The following KHDRBS2 variants were observed in gnomAD, a reference collection of about 807,000 sequenced individuals.
KHDRBS2 encodes KH RNA binding domain containing, signal transduction associated 2, also known as KH domain-containing, RNA-binding, signal transduction-associated protein 2.
KHDRBS2 carries 26 observed loss-of-function variants against 44.3 expected under a neutral mutation model. The ratio of observed to expected loss-of-function variants is 0.59; its 90% confidence interval spans 0.43 to 0.81. KHDRBS2 has a LOEUF of 0.81. Ranked by LOEUF, KHDRBS2 falls within the 40% of genes least tolerant of loss-of-function variation. The pLI, the probability that KHDRBS2 is intolerant of heterozygous loss-of-function variation, is 0.00. For synonymous variants in KHDRBS2, 194 were observed against 151.1 expected, an observed-to-expected ratio of 1.28 and a Z score of -2.08; for missense variants, 476 against 433.1, an observed-to-expected ratio of 1.10 and a Z score of -0.88.
At chr6:61,612,922 G>A in the KHDRBS2 span, among the ~76,000 whole-genome samples, 2 of 132,634 alleles carry the variant, frequency 1.5e-5, no homozygotes, top group Non-Finnish European at 3.1e-5. Flanking sequence ...GCGCGATCTC[G>A]GCTGACGGCA....
intron 4 of KHDRBS2, among the ~76,000 whole-genome samples, chr6:61,951,011 C>A (rs894085853): frequency 6.6e-6 from 1 of 151,894 alleles, no homozygotes; most frequent in Non-Finnish European, 1.5e-5. Context: ...TCCAGGGAAG[C>A]ATGAGGCATG....
intron 2 of KHDRBS2, among the ~76,000 whole-genome samples, chr6:62,085,746 G>A (rs903773614): frequency 5.3e-5 from 8 of 152,060 alleles, no homozygotes; most frequent in African/African-American, 1.2e-4. Flanking sequence ...AAGCATTAAG[G>A]TTAGAGTTAG....
chr6:61,549,618 T>C, the KHDRBS2 span, among the ~76,000 whole-genome samples: 3 of 152,114 alleles, frequency 2.0e-5, no homozygotes, highest in African/African-American at 7.2e-5. Context: ...TGGAAGTATA[T>C]GAAGAAAATC....
At chr6:61,876,734 T>C (rs1799461107) in intron 6 of KHDRBS2, among the ~76,000 whole-genome samples, 1 of 152,086 alleles carries the variant, frequency 6.6e-6, no homozygotes, top group Admixed American at 6.6e-5. Flanking sequence ...CAAACTGCCA[T>C]CTCTGGGAAT....
At chr6:61,551,700 C>G in the KHDRBS2 span, among the ~76,000 whole-genome samples, 8 of 152,062 alleles carry the variant, frequency 5.3e-5, no homozygotes, top group Admixed American at 4.6e-4. Flanking sequence ...TCTGGACTCT[C>G]TATTCTGTCC....
At chr6:61,864,093 A>G (rs1263462697) in intron 6 of KHDRBS2, among the ~76,000 whole-genome samples, 1 of 152,088 alleles carries the variant, frequency 6.6e-6, no homozygotes, top group African/African-American at 2.4e-5. Flanking sequence ...GTTTTATCAG[A>G]AACTGGGATT....
intron 3 of KHDRBS2, among the ~76,000 whole-genome samples, chr6:62,003,713 AT>A (rs1778694617): frequency 6.6e-6 from 1 of 152,186 alleles, no homozygotes; most frequent in Non-Finnish European, 1.5e-5. Context: ...CAGAATATAC[AT>A]TCTTCTCAGC....
rs1158383068 is a variant in KHDRBS2, at chr6:62,214,245, T to C, written c.92-36933A>G. Among the ~76,000 whole-genome samples, 5 of 152,146 alleles carry C rather than the reference T, an allele frequency of 3.3e-5. No individual in the cohort carries two copies. In the East Asian group the frequency reaches 5.8e-4, roughly 18 times the overall value. On this transcript the variant is annotated intron_variant, in intron 1 of 8. Transcript: ENST00000281156. Reference sequence around the variant, plus strand: ...ACCCTTTACTTTTTCAACCACAGTATAGACATTTTATATCATTCTTCCATA... The same window carrying C: ...ACCCTTTACTTTTTCAACCACAGTACAGACATTTTATATCATTCTTCCATA...
At chr6:61,863,113 A>G (rs1451176295) in intron 6 of KHDRBS2, among the ~76,000 whole-genome samples, 21 of 151,876 alleles carry the variant, frequency 1.4e-4, no homozygotes, top group African/African-American at 4.3e-4. Flanking sequence ...TTGCATTCCT[A>G]TGGGGTCAGT....
chr6:62,118,528 T>C (rs1584808028), intron 2 of KHDRBS2, among the ~76,000 whole-genome samples: 1 of 152,282 alleles, frequency 6.6e-6, no homozygotes, highest in Middle Eastern at 3.4e-3. Context: ...TTTCTTAAAA[T>C]ACCAGTGTGA....
chr6:62,182,287 G>T (rs562000507), intron 1 of KHDRBS2, among the ~76,000 whole-genome samples: 23 of 151,982 alleles, frequency 1.5e-4, no homozygotes, highest in Non-Finnish European at 2.9e-4. Flanking sequence ...CAAGAAGTAT[G>T]GTGATGACGG....
At chr6:61,813,381 G>T (rs1788423594) in intron 6 of KHDRBS2, among the ~76,000 whole-genome samples, 1 of 152,116 alleles carries the variant, frequency 6.6e-6, no homozygotes, top group South Asian at 2.1e-4. Context: ...GTTAAACTAG[G>T]TTTAATAGCA....
At chr6:62,032,802 G>A (rs1784596069) in intron 3 of KHDRBS2, among the ~76,000 whole-genome samples, 1 of 151,714 alleles carries the variant, frequency 6.6e-6, no homozygotes, top group Non-Finnish European at 1.5e-5. Context: ...TCAATGCCCA[G>A]ACACCAAAGA....
At chr6:61,981,848 T>G (rs1773908324) in intron 3 of KHDRBS2, among the ~76,000 whole-genome samples, 1 of 152,172 alleles carries the variant, frequency 6.6e-6, no homozygotes, top group Admixed American at 6.5e-5. Flanking sequence ...TTCCTTATAT[T>G]TGTATGGGTA....
At chr6:61,607,727 G>A in the KHDRBS2 span, among the ~76,000 whole-genome samples, 1 of 151,966 alleles carries the variant, frequency 6.6e-6, no homozygotes, top group African/African-American at 2.4e-5. Context: ...TTGCTCTGTT[G>A]CCCAGGCTGG....
At chr6:62,135,280 C>T (rs1245604181) in intron 2 of KHDRBS2, among the ~76,000 whole-genome samples, 1 of 152,142 alleles carries the variant, frequency 6.6e-6, no homozygotes, top group African/African-American at 2.4e-5. Context: ...CTCTCATTCT[C>T]TCTTTGCCTG....
At chr6:62,113,138 A>G (rs1031704668) in intron 2 of KHDRBS2, among the ~76,000 whole-genome samples, 5 of 152,110 alleles carry the variant, frequency 3.3e-5, no homozygotes, top group Admixed American at 6.6e-5. Context: ...CTGTGTCACT[A>G]TAAGAGCCAC....
chr6:61,870,031 G>A (rs1218847492), intron 6 of KHDRBS2, among the ~76,000 whole-genome samples: 1 of 145,884 alleles, frequency 6.9e-6, no homozygotes, highest in African/African-American at 2.5e-5. Context: ...AGACAGAAGT[G>A]TTCCCTCCCC....
At chr6:61,796,239 AC>A (rs1420695520) in intron 6 of KHDRBS2, among the ~76,000 whole-genome samples, 3 of 152,054 alleles carry the variant, frequency 2.0e-5, no homozygotes, top group African/African-American at 7.2e-5. Context: ...TAAGCTTGAA[AC>A]ATGTTATTTA....
Sources: gnomAD v4.1 joint callset for allele counts (sites outside exome capture counted in the v4.1 genomes callset) on GRCh38, gnomAD v4.1.1 for gene constraint, MANE v1.5 for transcripts, NCBI Gene and HGNC (gene_info 2026-07-23, HGNC 2026-07-21) for gene names.